The following DAB1 variants were observed in gnomAD, a reference collection of about 807,000 sequenced individuals.
DAB1 encodes disabled homolog 1.
Under a neutral mutation model 64.6 loss-of-function variants are expected in DAB1, and 15 were observed. The observed-to-expected ratio is 0.23, with a 90% CI of 0.16 to 0.36. The LOEUF (loss-of-function observed/expected upper bound fraction) is 0.36. Ranked by LOEUF, DAB1 falls within the 10% of genes least tolerant of loss-of-function variation. The probability of loss-of-function intolerance (pLI) is 1.00; values close to 1 mark genes in which losing one functional copy is unlikely to be tolerated. For missense variants in DAB1, 596 were observed against 706.7 expected, an observed-to-expected ratio of 0.84 and a Z score of 1.78; for synonymous variants, 235 against 251.9, an observed-to-expected ratio of 0.93 and a Z score of 0.64.
chr1:58,119,455 A>G (rs1652604182), intron 5 of DAB1, among the ~76,000 whole-genome samples: 1 of 152,196 alleles, frequency 6.6e-6, no homozygotes, highest in Non-Finnish European at 1.5e-5. Context: ...AATAAGTAAT[A>G]TATGTATCCC....
At chr1:57,314,729 G>A (rs1402574258) in intron 1 of DAB1, among the ~76,000 whole-genome samples, 2 of 151,178 alleles carry the variant, frequency 1.3e-5, no homozygotes, top group Non-Finnish European at 3.0e-5. Context: ...GCCAGCCTGG[G>A]CAACATATCA....
intron 3 of DAB1, among the ~76,000 whole-genome samples, chr1:58,451,612 A>G (rs1012086872): frequency 2.0e-5 from 3 of 152,236 alleles, no homozygotes; most frequent in African/African-American, 4.8e-5. Context: ...CGCCCTGAAT[A>G]CATAAAGTTA....
intron 7 of DAB1, among the ~76,000 whole-genome samples, chr1:57,534,685 G>T (rs1279224512): frequency 6.6e-6 from 1 of 152,108 alleles, no homozygotes; most frequent in Non-Finnish European, 1.5e-5. Flanking sequence ...TCTCTGGCTT[G>T]GTAATCTGCC....
At chr1:57,872,243 T>G (rs1392122993) in intron 1 of DAB1, among the ~76,000 whole-genome samples, 1 of 152,168 alleles carries the variant, frequency 6.6e-6, no homozygotes, top group African/African-American at 2.4e-5. Context: ...ATTTCCAATG[T>G]GATGGTATTA....
chr1:58,482,781 T>C (rs1484322616), intron 3 of DAB1, among the ~76,000 whole-genome samples: 1 of 151,938 alleles, frequency 6.6e-6, no homozygotes, highest in Non-Finnish European at 1.5e-5. Context: ...ACAAGGGAGA[T>C]GGGAGCGTGC....
At chr1:57,773,350 C>CAT (rs1275755021) in intron 6 of DAB1, among the ~76,000 whole-genome samples, 1 of 151,078 alleles carries the variant, frequency 6.6e-6, no homozygotes, top group Non-Finnish European at 1.5e-5. Flanking sequence ...TGTATACACA[C>CAT]ACACACACAC....
chr1:57,413,241 A>G (rs1371291671), intron 1 of DAB1, among the ~76,000 whole-genome samples: 2 of 152,214 alleles, frequency 1.3e-5, no homozygotes, highest in Admixed American at 6.5e-5. Context: ...TGGTCACCCA[A>G]GAGTTCTAAT....
upstream of DAB1, among the ~76,000 whole-genome samples, chr1:57,885,281 A>C (rs1229646779): frequency 6.6e-6 from 1 of 152,256 alleles, no homozygotes; most frequent in Non-Finnish European, 1.5e-5. Flanking sequence ...ATTGTCATTA[A>C]AAAGATAAAG....
intron 5 of DAB1, among the ~76,000 whole-genome samples, chr1:57,988,471 T>C (rs919242844): frequency 2.0e-5 from 3 of 152,206 alleles, no homozygotes; most frequent in South Asian, 2.1e-4. Flanking sequence ...TCCTGGAACA[T>C]AGTATGTGTT....
At chr1:57,418,237 C>A (rs1399518429) in intron 1 of DAB1, among the ~76,000 whole-genome samples, 1 of 152,200 alleles carries the variant, frequency 6.6e-6, no homozygotes, top group Non-Finnish European at 1.5e-5. Context: ...TTCCCAGATT[C>A]TCTCAATGCA....
At chr1:58,132,861 GA>G (rs1653714805) in intron 5 of DAB1, among the ~76,000 whole-genome samples, 2 of 152,118 alleles carry the variant, frequency 1.3e-5, no homozygotes, top group Admixed American at 1.3e-4. Context: ...CAATTAAAGT[GA>G]ATTAACATAA....
intron 5 of DAB1, among the ~76,000 whole-genome samples, chr1:58,089,866 C>T (rs892775757): frequency 5.3e-5 from 8 of 152,172 alleles, no homozygotes; most frequent in Admixed American, 1.3e-4. Context: ...GGCCACCATC[C>T]GCTGGGGGCA....
At chr1:57,007,732 G>A (rs148943894) in intron 14 of DAB1, among the ~76,000 whole-genome samples, 51 of 152,306 alleles carry the variant, frequency 3.3e-4, no homozygotes, top group African/African-American at 1.2e-3. Context: ...ATGGTTGCAA[G>A]GGTGATAAGA....
At chr1:57,795,249 A>T (rs532321459) in intron 6 of DAB1, among the ~76,000 whole-genome samples, 1 of 152,190 alleles carries the variant, frequency 6.6e-6, no homozygotes, top group South Asian at 2.1e-4. Flanking sequence ...TCATCAAAGC[A>T]TCTAAAAAAA....
intron 9 of DAB1, among the ~76,000 whole-genome samples, chr1:57,055,620 T>C (rs1649669861): frequency 6.6e-6 from 1 of 152,158 alleles, no homozygotes; most frequent in Admixed American, 6.5e-5. Flanking sequence ...AATTCTAACT[T>C]CTGCCCTAAG....
intron 6 of DAB1, among the ~76,000 whole-genome samples, chr1:57,774,197 T>C (rs1044863581): frequency 7.9e-5 from 12 of 151,920 alleles, no homozygotes; most frequent in African/African-American, 2.2e-4. Flanking sequence ...TTTCATTATA[T>C]AGGTCTAGTG....
intron 5 of DAB1, among the ~76,000 whole-genome samples, chr1:57,978,163 C>T (rs1423336250): frequency 6.6e-6 from 1 of 152,150 alleles, no homozygotes; most frequent in Non-Finnish European, 1.5e-5. Context: ...TGACTTCAAA[C>T]TACACTACAA....
chr1:57,159,692 G>T (rs533418665), intron 2 of DAB1, among the ~76,000 whole-genome samples: 1 of 151,980 alleles, frequency 6.6e-6, no homozygotes, highest in Admixed American at 6.6e-5. Flanking sequence ...TAGAACATTG[G>T]AAAACCAAGT....
chr1:57,401,185 G>T (rs1313490416), intron 1 of DAB1, among the ~76,000 whole-genome samples: 1 of 152,018 alleles, frequency 6.6e-6, no homozygotes, highest in East Asian at 1.9e-4. Context: ...ATATTAAGAT[G>T]AAATCTCCCA....
Sources: gnomAD v4.1 joint callset for allele counts (sites outside exome capture counted in the v4.1 genomes callset) on GRCh38, gnomAD v4.1.1 for gene constraint, MANE v1.5 for transcripts, NCBI Gene and HGNC (gene_info 2026-07-23, HGNC 2026-07-21) for gene names.